Variants in MERTK observed in about 807,000 individuals in gnomAD.
MERTK encodes the protein MER proto-oncogene, tyrosine kinase.
A neutral mutation model predicts 99.3 loss-of-function variants in MERTK; 69 were observed. That is an observed-to-expected ratio of 0.70 (90% CI 0.57 to 0.85). The LOEUF is 0.85. MERTK is among the 40% of genes least tolerant of loss of function. MERTK has a pLI of 0.00. For missense variants in MERTK, 1,125 were observed against 1,249.4 expected (o/e 0.90, Z 1.50); for synonymous variants, 426 against 467.6 (o/e 0.91, Z 1.15).
At chr2:111,965,757 C>A (rs1325932213) in intron 5 of MERTK, among the ~76,000 whole-genome samples, 1 of 152,060 alleles carries the variant, frequency 6.6e-6, no homozygotes. Context: ...TCCCTGCCAC[C>A]TACTGACTCA....
At chr2:111,993,758 G>GA (rs959969877) in intron 8 of MERTK, among the ~76,000 whole-genome samples, 10 of 148,300 alleles carry the variant, frequency 6.7e-5, no homozygotes, top group Middle Eastern at 3.4e-3. Flanking sequence ...CACACTGAAA[G>GA]AAAAAAAAAA....
chr2:111,906,730 A>G (rs531098005), intron 1 of MERTK, among the ~76,000 whole-genome samples: 6 of 152,352 alleles, frequency 3.9e-5, no homozygotes, highest in Non-Finnish European at 8.8e-5. Flanking sequence ...ATGTTCTTTG[A>G]AAGTTTTGGA....
intron 1 of MERTK, among the ~76,000 whole-genome samples, chr2:111,906,873 C>G (rs1684146678): frequency 6.6e-6 from 1 of 152,228 alleles, no homozygotes; most frequent in African/African-American, 2.4e-5. Context: ...AGTGTGTCCT[C>G]CTTCTAAAAC....
At chr2:111,997,041 A>G (rs993931039) in intron 9 of MERTK, 1 of 432,616 alleles carries the variant, frequency 2.3e-6, no homozygotes, top group Non-Finnish European at 4.2e-6. Flanking sequence ...TAAAATTACT[A>G]TTTTTAATTA....
chr2:111,940,999 T>C, intron 2 of MERTK: 1 of 575,554 alleles, frequency 1.7e-6, no homozygotes, highest in Non-Finnish European at 3.4e-6. Context: ...ACCGGCGGGG[T>C]TGTGGTAGTC....
At chr2:111,910,204 G>A (rs1412733267) in intron 1 of MERTK, among the ~76,000 whole-genome samples, 3 of 152,050 alleles carry the variant, frequency 2.0e-5, no homozygotes, top group Non-Finnish European at 2.9e-5. Flanking sequence ...GTTTGAGACT[G>A]TACTGAGCTA....
rs980793034 is a variant in MERTK at position 111,920,800 on chromosome 2, G to A, written c.62-8320G>A. Among the ~76,000 whole-genome samples, 5 of 152,098 alleles carry A rather than the reference G, an allele frequency of 3.3e-5. No homozygotes were observed. In the East Asian group the frequency reaches 5.8e-4, roughly 18 times the overall value. ...CTCCCGAGTAGCTGGGATTACAGGC[G>A]CCTGCCACCAGGCCTGGCTACTTTT... On this transcript the variant is annotated intron_variant, in intron 1 of 18. Coordinates refer to ENST00000295408, the MANE Select transcript of MERTK (RefSeq NM_006343.3).
chr2:112,021,980 G>A (rs898956418), intron 17 of MERTK, among the ~76,000 whole-genome samples: 3 of 151,886 alleles, frequency 2.0e-5, no homozygotes, highest in East Asian at 1.9e-4. Flanking sequence ...GGAAAAAAAA[G>A]CACCTCACAG....
intron 15 of MERTK, among the ~76,000 whole-genome samples, chr2:112,014,464 G>A (rs1453746378): frequency 6.6e-6 from 1 of 152,050 alleles, no homozygotes; most frequent in Non-Finnish European, 1.5e-5. Flanking sequence ...GTGCCTAGCT[G>A]TTACGTTGTA....
At chr2:111,973,370 G>A (rs572230020) in intron 6 of MERTK, among the ~76,000 whole-genome samples, 92 of 152,056 alleles carry the variant, frequency 6.1e-4, no homozygotes, top group Non-Finnish European at 1.0e-3. Flanking sequence ...CAAGACAAGC[G>A]TCTGGGTTCT....
intron 7 of MERTK, among the ~76,000 whole-genome samples, chr2:111,979,215 A>G (rs1676318318): frequency 6.6e-6 from 1 of 152,228 alleles, no homozygotes; most frequent in Non-Finnish European, 1.5e-5. Context: ...CATAAAAAGT[A>G]AAGATTGTGG....
At chr2:111,960,004 A>G (rs950670546) in intron 4 of MERTK, among the ~76,000 whole-genome samples, 1 of 152,216 alleles carries the variant, frequency 6.6e-6, no homozygotes, top group Non-Finnish European at 1.5e-5. Flanking sequence ...GGAAAATTCC[A>G]TCATATATTC....
chr2:111,913,793 C>T (rs1330170839), intron 1 of MERTK, among the ~76,000 whole-genome samples: 1 of 152,212 alleles, frequency 6.6e-6, no homozygotes, highest in Non-Finnish European at 1.5e-5. Context: ...AGGTGATCCA[C>T]CCACCTCAGC....
rs145325643 is a variant in MERTK at position 112,002,702 on chromosome 2, G to C, written c.1691-390G>C. ...CAAAATGAAAAAAGGGGCCGGCTAT[G>C]GTGGTTCACACCTGTAATCCCAGCA... On this transcript the variant is annotated intron_variant, in intron 11 of 18. Transcript: ENST00000295408. Among the ~76,000 whole-genome samples, 471 of 152,302 alleles carry C rather than the reference G, an allele frequency of 3.1e-3. 10 individuals carry two copies. Among genetic ancestry groups the C allele is most frequent in the Admixed American group, 0.02 (305 of 15,296 alleles).
At chr2:112,019,212 T>G (rs1488222653) in intron 15 of MERTK, 3 of 699,032 alleles carry the variant, frequency 4.3e-6, no homozygotes, top group Admixed American at 2.0e-5. Context: ...ATATGATGTT[T>G]GCCAAGAAGT....
chr2:111,927,874 C>T (rs941062635), intron 1 of MERTK, among the ~76,000 whole-genome samples: 7 of 152,126 alleles, frequency 4.6e-5, no homozygotes, highest in Non-Finnish European at 1.0e-4. Flanking sequence ...TGTGTACCCC[C>T]AGTCACCAAC....
chr2:111,969,559 C>T (rs776519609), intron 6 of MERTK, among the ~76,000 whole-genome samples: 12 of 152,128 alleles, frequency 7.9e-5, no homozygotes, highest in Non-Finnish European at 1.2e-4. Context: ...TGTTTTTACT[C>T]GCTAGTCAAA....
In MERTK at chr2:111,960,058, AT is replaced by A. The variant is rs1310885273; in HGVS notation, c.758-5132del. ...AAAGAGCAAACAATATATTATTATT[AT>A]GAAAATAGTTTTGACTCTGAGGACT... is the stretch of plus-strand genomic sequence containing the variant. On this transcript the variant is annotated intron_variant, in intron 4 of 18. Transcript: ENST00000295408. Among the ~76,000 whole-genome samples the A allele has an allele frequency of 7.2e-5, 11 of 152,294 alleles. No individual in the cohort carries two copies. The East Asian group carries it at 2.1e-3, about 29-fold the overall frequency.
intron 4 of MERTK, among the ~76,000 whole-genome samples, chr2:111,962,794 T>G (rs1253839853): frequency 6.6e-6 from 1 of 152,220 alleles, no homozygotes; most frequent in Non-Finnish European, 1.5e-5. Flanking sequence ...AGGCTCCTCT[T>G]GGCTGTGACA....
Sources: allele counts gnomAD v4.1 joint callset (sites outside exome capture counted in the v4.1 genomes callset), GRCh38; gene constraint gnomAD v4.1.1; transcripts MANE v1.5; gene names NCBI Gene and HGNC (gene_info 2026-07-23, HGNC 2026-07-21).